The following COXFA4 variants were observed in gnomAD, a reference collection of about 807,000 sequenced individuals.
COXFA4 encodes the protein cytochrome c oxidase subunit FA4.
At chr7:10,939,955 G>A in the COXFA4 span, 20 of 1,588,414 alleles carry the variant, frequency 1.3e-5, no homozygotes, top group South Asian at 2.0e-4. Flanking sequence ...GGAACAGAAA[G>A]AGGCGCACCC....
chr7:10,939,534 C>A, the COXFA4 span: 1 of 178,006 alleles, frequency 5.6e-6, no homozygotes, highest in South Asian at 1.1e-4. Context: ...CGAAATTTTC[C>A]CAAAAGCAAC....
the COXFA4 span, chr7:10,938,169 G>C: frequency 1.6e-5 from 25 of 1,599,386 alleles, no homozygotes; most frequent in African/African-American, 2.7e-5. Context: ...AAAACATTAC[G>C]ACTGTTATAA....
the COXFA4 span, chr7:10,939,016 T>C: frequency 4.0e-3 from 3,010 of 749,494 alleles, 10 homozygotes; most frequent in Non-Finnish European, 5.8e-3. Flanking sequence ...GACTGTTTTG[T>C]CTTAAAATTT....
the COXFA4 span, chr7:10,933,012 G>C: frequency 0.55 from 82,648 of 151,486 alleles, 22,640 homozygotes; most frequent in South Asian, 0.66. Flanking sequence ...CCTGCACCAA[G>C]ACTCAGCAGC....
chr7:10,937,307 G>C, the COXFA4 span, among the ~76,000 whole-genome samples: 1 of 151,604 alleles, frequency 6.6e-6, no homozygotes, highest in African/African-American at 2.4e-5. Flanking sequence ...TTTTTAGACA[G>C]AGTCTGGTTC....
chr7:10,937,524 C>T, the COXFA4 span, among the ~76,000 whole-genome samples: 2 of 152,128 alleles, frequency 1.3e-5, no homozygotes, highest in African/African-American at 4.8e-5. Context: ...CTCAAGTGAT[C>T]TGCCCGCCTC....
the COXFA4 span, among the ~76,000 whole-genome samples, chr7:10,935,329 T>C: frequency 7.9e-5 from 12 of 152,316 alleles, no homozygotes; most frequent in Middle Eastern, 3.4e-3. Flanking sequence ...TCTGAAACAA[T>C]AGTTGGGAAG....
chr7:10,938,012 G>C, the COXFA4 span: 1 of 1,225,674 alleles, frequency 8.2e-7, no homozygotes, highest in Non-Finnish European at 1.2e-6. Flanking sequence ...CGTATATCCA[G>C]TTTCAAGAAA....
the COXFA4 span, among the ~76,000 whole-genome samples, chr7:10,934,048 C>T: frequency 5.9e-5 from 9 of 152,054 alleles, no homozygotes; most frequent in African/African-American, 9.7e-5. Flanking sequence ...CTACTAAGTA[C>T]GTGGAAGAAT....
At chr7:10,934,017 C>A in the COXFA4 span, among the ~76,000 whole-genome samples, 2 of 152,076 alleles carry the variant, frequency 1.3e-5, no homozygotes, top group African/African-American at 4.8e-5. Flanking sequence ...ACTTCCAATT[C>A]GGTAAGTTTT....
the COXFA4 span, chr7:10,938,524 G>GA: frequency 4.7e-6 from 2 of 427,650 alleles, no homozygotes; most frequent in Non-Finnish European, 8.5e-6. Context: ...CGAGAACCAT[G>GA]ATTATTTTAT....
At chr7:10,939,663 T>G in the COXFA4 span, 3 of 343,116 alleles carry the variant, frequency 8.7e-6, no homozygotes, top group Non-Finnish European at 1.7e-5. Flanking sequence ...ATAGGGAACC[T>G]GACCTATGCT....
the COXFA4 span, chr7:10,938,646 C>CA: frequency 3.4e-6 from 2 of 588,222 alleles, no homozygotes; most frequent in Non-Finnish European, 6.1e-6. Context: ...TTTCATGAAC[C>CA]AAAAAAAGTA....
chr7:10,933,541 A>C, the COXFA4 span: 2 of 896,318 alleles, frequency 2.2e-6, no homozygotes, highest in East Asian at 4.9e-5. Flanking sequence ...TCATGCATTT[A>C]GAGGAGAAAT....
At chr7:10,933,850 T>A in the COXFA4 span, among the ~76,000 whole-genome samples, 1 of 152,330 alleles carries the variant, frequency 6.6e-6, no homozygotes, top group Non-Finnish European at 1.5e-5. Flanking sequence ...AGAAAAATAC[T>A]GTACCTAAAA....
the COXFA4 span, chr7:10,938,723 C>T: frequency 2.2e-6 from 2 of 912,744 alleles, no homozygotes; most frequent in Non-Finnish European, 3.7e-6. Flanking sequence ...CTTTCTACTA[C>T]CCTAATGTTA....
At chr7:10,939,751 C>A in the COXFA4 span, 3 of 535,758 alleles carry the variant, frequency 5.6e-6, no homozygotes, top group Non-Finnish European at 1.0e-5. Context: ...CCAGACTGTT[C>A]CAATATTCAC....
At chr7:10,933,842 A>G in the COXFA4 span, 1 of 643,852 alleles carries the variant, frequency 1.6e-6, no homozygotes, top group South Asian at 1.9e-5. Flanking sequence ...TCATTCACAG[A>G]AAAATACTGT....
the COXFA4 span, chr7:10,932,105 G>A: frequency 6.6e-6 from 1 of 152,160 alleles, no homozygotes; most frequent in Non-Finnish European, 1.5e-5. Flanking sequence ...GCCCACCAAT[G>A]GACATTTGGT....
Sources: allele counts gnomAD v4.1 joint callset (sites outside exome capture counted in the v4.1 genomes callset), GRCh38; gene constraint gnomAD v4.1.1; transcripts MANE v1.5; gene names NCBI Gene and HGNC (gene_info 2026-07-23, HGNC 2026-07-21).